ROBO1: variants seen among roughly 807,000 people sequenced by gnomAD.
ROBO1 encodes roundabout homolog 1.
ROBO1 carries 149 observed loss-of-function variants against 195.9 expected under a neutral mutation model. That is an observed-to-expected ratio of 0.76 (90% CI 0.67 to 0.87). The LOEUF (loss-of-function observed/expected upper bound fraction) is 0.87. Ranked by LOEUF, ROBO1 falls within the 40% of genes least tolerant of loss-of-function variation. ROBO1 has a pLI of 0.00. For synonymous variants in ROBO1, 816 were observed against 733.2 expected, an observed-to-expected ratio of 1.11 and a Z score of -1.82; for missense variants, 1,933 against 2,068.3, an observed-to-expected ratio of 0.93 and a Z score of 1.27.
At chr3:78,967,235 G>A (rs1002490870) in intron 3 of ROBO1, among the ~76,000 whole-genome samples, 1 of 152,252 alleles carries the variant, frequency 6.6e-6, no homozygotes, top group Non-Finnish European at 1.5e-5. Flanking sequence ...CTCGGCAAGG[G>A]AAATATAAGG....
At chr3:78,792,048 T>G (rs186630594) in intron 4 of ROBO1, among the ~76,000 whole-genome samples, 1 of 152,180 alleles carries the variant, frequency 6.6e-6, no homozygotes, top group Non-Finnish European at 1.5e-5. Flanking sequence ...CAGGGGACCC[T>G]CATAGGGTTT....
At chr3:79,744,767 G>A (rs763154052) in intron 1 of ROBO1, among the ~76,000 whole-genome samples, 2 of 152,120 alleles carry the variant, frequency 1.3e-5, no homozygotes, top group Non-Finnish European at 2.9e-5. Flanking sequence ...TAAGGGATGT[G>A]TGAAGAAAAA....
intron 2 of ROBO1, among the ~76,000 whole-genome samples, chr3:79,294,781 T>C (rs2032485831): frequency 6.6e-6 from 1 of 152,048 alleles, no homozygotes; most frequent in Non-Finnish European, 1.5e-5. Context: ...CTTCAAAAAG[T>C]GGGCGAAGGA....
intron 2 of ROBO1, among the ~76,000 whole-genome samples, chr3:79,308,187 C>T (rs367778551): frequency 2.6e-5 from 4 of 152,214 alleles, no homozygotes; most frequent in Admixed American, 6.5e-5. Flanking sequence ...TGTATGTACT[C>T]ATTAACTGGT....
At chr3:79,615,425 A>T (rs1944789836) in intron 1 of ROBO1, among the ~76,000 whole-genome samples, 1 of 152,120 alleles carries the variant, frequency 6.6e-6, no homozygotes, top group Non-Finnish European at 1.5e-5. Flanking sequence ...AAACATATAA[A>T]TCCAATCTAT....
intron 2 of ROBO1, among the ~76,000 whole-genome samples, chr3:79,174,976 T>C (rs1394305740): frequency 6.6e-6 from 1 of 152,048 alleles, no homozygotes. Flanking sequence ...AATCAAATGA[T>C]AAAACCAAGG....
chr3:79,334,551 GAAAT>G (rs1364958724), intron 2 of ROBO1, among the ~76,000 whole-genome samples: 1 of 151,652 alleles, frequency 6.6e-6, no homozygotes, highest in African/African-American at 2.4e-5. Context: ...GTTCAGAGAA[GAAAT>G]AAATGAATGT....
chr3:78,841,942 G>C (rs1323438001), intron 4 of ROBO1, among the ~76,000 whole-genome samples: 3 of 151,690 alleles, frequency 2.0e-5, no homozygotes, highest in South Asian at 2.1e-4. Context: ...AATCTTTATA[G>C]ACTGAAAATC....
chr3:79,172,352 C>G (rs191412732), intron 2 of ROBO1, among the ~76,000 whole-genome samples: 130 of 147,182 alleles, frequency 8.8e-4, no homozygotes, highest in Middle Eastern at 6.9e-3. Flanking sequence ...CCTTCTATCT[C>G]TAAAAGTAAA....
At chr3:78,962,503 A>G (rs1291002702) in intron 3 of ROBO1, among the ~76,000 whole-genome samples, 1 of 118,292 alleles carries the variant, frequency 8.5e-6, no homozygotes, top group East Asian at 2.0e-4. Flanking sequence ...TGGTACTGTC[A>G]GAGAACACTC....
intron 3 of ROBO1, among the ~76,000 whole-genome samples, chr3:78,967,174 T>A (rs533234514): frequency 1.3e-5 from 2 of 152,294 alleles, no homozygotes; most frequent in African/African-American, 4.8e-5. Flanking sequence ...TGAAATCACT[T>A]AACTCTTACT....
At chr3:79,276,464 A>C (rs1475161703) in intron 2 of ROBO1, among the ~76,000 whole-genome samples, 1 of 152,068 alleles carries the variant, frequency 6.6e-6, no homozygotes. Flanking sequence ...TACAAAAATC[A>C]AATCAAAATG....
chr3:79,341,378 G>A (rs572460589), intron 2 of ROBO1, among the ~76,000 whole-genome samples: 2 of 152,278 alleles, frequency 1.3e-5, no homozygotes, highest in South Asian at 4.1e-4. Flanking sequence ...AATTGGATAG[G>A]CACTGAGGCT....
intron 18 of ROBO1, among the ~76,000 whole-genome samples, chr3:78,653,251 A>G (rs1268997647): frequency 6.6e-6 from 1 of 151,344 alleles, no homozygotes; most frequent in African/African-American, 2.4e-5. Flanking sequence ...GTTCCTCAAC[A>G]TGGTCAATCC....
intron 1 of ROBO1, among the ~76,000 whole-genome samples, chr3:79,753,512 G>A (rs1162671433): frequency 6.6e-6 from 1 of 152,168 alleles, no homozygotes; most frequent in Non-Finnish European, 1.5e-5. Flanking sequence ...AAGAGTGTGT[G>A]CAAAAAATTA....
At chr3:79,174,787 C>T (rs6766824) in intron 2 of ROBO1, among the ~76,000 whole-genome samples, 13,134 of 148,470 alleles carry the variant, frequency 0.088, 984 homozygotes, top group African/African-American at 0.2. Context: ...ACCTGGGAGG[C>T]GGAGCTTGCA....
chr3:79,761,509 C>G (rs1208189376), intron 1 of ROBO1, among the ~76,000 whole-genome samples: 1 of 152,104 alleles, frequency 6.6e-6, no homozygotes, highest in Non-Finnish European at 1.5e-5. Context: ...TTCAAGGGAA[C>G]TTGTTTCACT....
chr3:79,653,582 A>G (rs978680714), intron 1 of ROBO1, among the ~76,000 whole-genome samples: 6 of 152,030 alleles, frequency 3.9e-5, no homozygotes, highest in African/African-American at 1.2e-4. Flanking sequence ...TCAAGATGAG[A>G]ATATTTGCAT....
At position 79,563,668 on chromosome 3, in the gene ROBO1, T is replaced by C. The variant is rs567542739; in HGVS notation, c.88+26156A>G. 7.9e-5 allele frequency among the ~76,000 whole-genome samples: 12 copies of C among 152,198 alleles called. No homozygotes were observed. In the South Asian group the frequency reaches 2.3e-3, roughly 29 times the overall value. ...TAAAGATCAGTGGTAGAAAATGTAA[T>C]ATTTTTGTGTGTCATAAAGTTGCTT... is the stretch of plus-strand genomic sequence containing the variant. On this transcript the variant is annotated intron_variant, in intron 2 of 30. Transcript: ENST00000464233.
Sources: gnomAD v4.1 joint callset for allele counts (sites outside exome capture counted in the v4.1 genomes callset) on GRCh38, gnomAD v4.1.1 for gene constraint, MANE v1.5 for transcripts, NCBI Gene and HGNC (gene_info 2026-07-23, HGNC 2026-07-21) for gene names.